Variants in LMNTD1 observed in about 807,000 individuals in gnomAD.
LMNTD1 encodes the protein lamin tail domain-containing protein 1.
Under a neutral mutation model 50.9 loss-of-function variants are expected in LMNTD1, and 35 were observed. That is an observed-to-expected ratio of 0.69 (90% CI 0.53 to 0.91). LMNTD1 has a LOEUF of 0.91. LMNTD1 is among the 40% of genes least tolerant of loss of function. The pLI is 0.00. For synonymous variants in LMNTD1, 153 were observed against 161.9 expected, an observed-to-expected ratio of 0.94 and a Z score of 0.42; for missense variants, 470 against 475.5, an observed-to-expected ratio of 0.99 and a Z score of 0.11.
chr12:25,484,443 C>T (rs954675079), intron 9 of LMNTD1, among the ~76,000 whole-genome samples: 3 of 151,934 alleles, frequency 2.0e-5, no homozygotes, highest in South Asian at 4.1e-4. Context: ...AATTTAAATA[C>T]CCCCTAGGTG....
chr12:25,502,768 G>C (rs751446138), intron 9 of LMNTD1, among the ~76,000 whole-genome samples: 2 of 152,182 alleles, frequency 1.3e-5, no homozygotes, highest in African/African-American at 2.4e-5. Flanking sequence ...GAGTGGGCTT[G>C]ACAAAGAGCA....
chr12:25,488,170 A>C (rs1271997679), intron 9 of LMNTD1, among the ~76,000 whole-genome samples: 2 of 142,684 alleles, frequency 1.4e-5, no homozygotes, highest in African/African-American at 5.1e-5. Context: ...CTGAATCTGA[A>C]CGTTGGCCTG....
chr12:25,624,799 T>A (rs757426843), intron 1 of LMNTD1, among the ~76,000 whole-genome samples: 5 of 152,374 alleles, frequency 3.3e-5, no homozygotes, highest in East Asian at 1.9e-4. Context: ...ACCTGGGTTT[T>A]AAAATACCTC....
chr12:25,476,691 C>T lies in LMNTD1; in HGVS notation c.*23-231G>A, dbSNP rs78494788. 2.7e-4 allele frequency among the ~76,000 whole-genome samples: 41 copies of T among 152,170 alleles called. No homozygotes were observed. The East Asian group carries it at 7.5e-3, about 28-fold the overall frequency. ...AATTGGTAGAACTGAGAGCTCTAGA[C>T]TAAAGGATTTCTATGATTTTCCCCA... On this transcript the variant is annotated intron_variant, in intron 9 of 9. Transcript: ENST00000458174.
At position 25,572,347 on chromosome 12, in the gene LMNTD1, A is replaced by G. The variant is rs574517856; in HGVS notation, c.59-25793T>C. ...TTGTGATTTAATTTTATTTGATGCA[A>G]ATGGCTAAGTTGTATCTATTTGTGA... is the stretch of plus-strand genomic sequence containing the variant. On this transcript the variant is annotated intron_variant, in intron 1 of 7. Coordinates refer to the LMNTD1 transcript ENST00000445693. 1.2e-3 allele frequency among the ~76,000 whole-genome samples: 189 copies of G among 152,272 alleles called. 1 individual carries two copies. Among genetic ancestry groups the G allele is most frequent in the African/African-American group, 4.4e-3 (184 of 41,546 alleles).
At chr12:25,556,498 A>G (rs1029935326), upstream of LMNTD1, among the ~76,000 whole-genome samples, 6 of 152,146 alleles carry the variant, frequency 3.9e-5, no homozygotes, top group African/African-American at 7.2e-5. Context: ...TTTCTGTGGT[A>G]TCTGCCTAAA....
At chr12:25,537,000 G>A (rs1338417766) in intron 4 of LMNTD1, among the ~76,000 whole-genome samples, 16 of 152,190 alleles carry the variant, frequency 1.1e-4, no homozygotes, top group Admixed American at 8.5e-4. Context: ...ACTCCCACCC[G>A]AATACTGCGC....
At chr12:25,531,480 T>G (rs1261805601) in intron 4 of LMNTD1, among the ~76,000 whole-genome samples, 1 of 152,246 alleles carries the variant, frequency 6.6e-6, no homozygotes, top group Non-Finnish European at 1.5e-5. Context: ...ATAAACCAAC[T>G]GCCAGCCAAT....
chr12:25,499,170 C>T (rs1385533601), intron 9 of LMNTD1, among the ~76,000 whole-genome samples: 1 of 152,090 alleles, frequency 6.6e-6, no homozygotes, highest in Admixed American at 6.5e-5. Flanking sequence ...CTCCTGGGCT[C>T]AAATGATCCT....
intron 1 of LMNTD1, among the ~76,000 whole-genome samples, chr12:25,583,306 C>A (rs1945385206): frequency 6.7e-6 from 1 of 148,640 alleles, no homozygotes; most frequent in Non-Finnish European, 1.5e-5. Context: ...GGATTACAGG[C>A]GTGAGCCACC....
At chr12:25,625,688 G>C (rs1249747816) in intron 1 of LMNTD1, among the ~76,000 whole-genome samples, 1 of 152,158 alleles carries the variant, frequency 6.6e-6, no homozygotes, top group Admixed American at 6.5e-5. Context: ...CTAAGTAGAG[G>C]ACTTCCTTTT....
At chr12:25,516,919 A>G (rs1000298774) in intron 8 of LMNTD1, among the ~76,000 whole-genome samples, 1 of 151,732 alleles carries the variant, frequency 6.6e-6, no homozygotes, top group Non-Finnish European at 1.5e-5. Context: ...ATACTTCTCT[A>G]AAGAAGACAT....
chr12:25,611,902 C>A (rs546102045), intron 1 of LMNTD1, among the ~76,000 whole-genome samples: 7 of 152,296 alleles, frequency 4.6e-5, no homozygotes, highest in Non-Finnish European at 8.8e-5. Flanking sequence ...CAGTTCTGAT[C>A]CATAACATTT....
chr12:25,500,283 T>C (rs1296421109), intron 9 of LMNTD1, among the ~76,000 whole-genome samples: 1 of 152,120 alleles, frequency 6.6e-6, no homozygotes, highest in Non-Finnish European at 1.5e-5. Flanking sequence ...TATTAGTCCC[T>C]CTCTCTGGGG....
chr12:25,479,674 A>T (rs566429115), intron 9 of LMNTD1, among the ~76,000 whole-genome samples: 1 of 152,186 alleles, frequency 6.6e-6, no homozygotes, highest in African/African-American at 2.4e-5. Flanking sequence ...AGGCCTTCCA[A>T]TGAGTCCACA....
chr12:25,516,319 C>A (rs117645714), intron 8 of LMNTD1, among the ~76,000 whole-genome samples: 1 of 152,066 alleles, frequency 6.6e-6, no homozygotes, highest in Non-Finnish European at 1.5e-5. Flanking sequence ...TATGCACATA[C>A]GGTGAAGTGC....
intron 1 of LMNTD1, among the ~76,000 whole-genome samples, chr12:25,622,463 G>GCACCC (rs1555124240): frequency 9.0e-6 from 1 of 111,154 alleles, no homozygotes; most frequent in Non-Finnish European, 2.0e-5. Context: ...GAGTTTGTGA[G>GCACCC]CCCGCCCCCC....
At chr12:25,505,132 A>G (rs1366392698) in intron 8 of LMNTD1, among the ~76,000 whole-genome samples, 1 of 152,210 alleles carries the variant, frequency 6.6e-6, no homozygotes, top group East Asian at 1.9e-4. Context: ...ATTGAATGAC[A>G]GGACTGTCAG....
At chr12:25,580,620 C>A (rs1326039949) in intron 1 of LMNTD1, among the ~76,000 whole-genome samples, 1 of 152,106 alleles carries the variant, frequency 6.6e-6, no homozygotes, top group Non-Finnish European at 1.5e-5. Flanking sequence ...AACAGAATTA[C>A]TTTTATCTAA....
Sources: gnomAD v4.1 joint callset for allele counts (sites outside exome capture counted in the v4.1 genomes callset) on GRCh38, gnomAD v4.1.1 for gene constraint, MANE v1.5 for transcripts, NCBI Gene and HGNC (gene_info 2026-07-23, HGNC 2026-07-21) for gene names.